Variants in USH2A observed in about 807,000 individuals in gnomAD.
USH2A encodes usherin, also known as Usher syndrome 2A (autosomal recessive, mild).
A neutral mutation model predicts 538.9 loss-of-function variants in USH2A; 443 were observed. The ratio of observed to expected loss-of-function variants is 0.82; its 90% CI spans 0.76 to 0.89. USH2A has a LOEUF of 0.89. Among genes scored for constraint, USH2A ranks in the 40% least tolerant of loss-of-function variants. The pLI is 0.00. For synonymous variants in USH2A, 2,413 were observed against 2,273.5 expected (o/e 1.06, Z -1.75); for missense variants, 6,633 against 6,324.8 (o/e 1.05, Z -1.65).
chr1:216,335,496 T>G (rs894146986), intron 4 of USH2A, among the ~76,000 whole-genome samples: 30 of 151,598 alleles, frequency 2.0e-4, no homozygotes, highest in Non-Finnish European at 4.0e-4. Context: ...AAAAGTTGAT[T>G]GTTAGAAATT....
At position 215,926,144 on chromosome 1, in the gene USH2A, T is replaced by C. The variant is rs371502733; in HGVS notation, c.7300+8472A>G. ...TGCAATTCTTATTTATTTACTCTTT[T>C]GCTCTTTCGTATATTCTTGCTTTTT... On this transcript the variant is annotated intron_variant, in intron 38 of 71. Coordinates refer to ENST00000307340, the MANE Select transcript of USH2A (RefSeq NM_206933.4). Among the ~76,000 whole-genome samples, 5 of 151,824 alleles carry C rather than the reference T, an allele frequency of 3.3e-5. No individual in the cohort carries two copies. In the East Asian group the frequency reaches 5.8e-4, roughly 18 times the overall value.
At position 216,349,691 on chromosome 1, in the gene USH2A, C is replaced by T. The variant is rs548062636; in HGVS notation, c.784+15262G>A. Among the ~76,000 whole-genome samples, 13 of 152,238 alleles carry T rather than the reference C, an allele frequency of 8.5e-5. No individual in the cohort carries two copies. The South Asian group carries it at 2.3e-3, about 27-fold the overall frequency. On this transcript the variant is annotated intron_variant, in intron 4 of 71. Coordinates refer to ENST00000307340, the MANE Select transcript of USH2A (RefSeq NM_206933.4). ...TCCTCAATTCTGGGAATTGCCCACC[C>T]CTTTCAGGGAAAACTAACAAACAAC...
chr1:215,990,592 G>A (rs1364960461), intron 35 of USH2A, among the ~76,000 whole-genome samples: 1 of 152,028 alleles, frequency 6.6e-6, no homozygotes, highest in African/African-American at 2.4e-5. Context: ...CATTATGAAG[G>A]CATAGAAACA....
chr1:215,747,078 C>A (rs1660492042), intron 58 of USH2A, among the ~76,000 whole-genome samples: 1 of 152,140 alleles, frequency 6.6e-6, no homozygotes, highest in Admixed American at 6.5e-5. Flanking sequence ...AACTGTAGGA[C>A]ACAAGAAAAT....
intron 29 of USH2A, among the ~76,000 whole-genome samples, 176 bp from the exon 30 acceptor site, chr1:216,070,468 C>G (rs2031522349): frequency 6.6e-6 from 1 of 152,090 alleles, no homozygotes; most frequent in South Asian, 2.1e-4. Context: ...TTGAGCCATT[C>G]AGTTTAAGCG....
intron 21 of USH2A, among the ~76,000 whole-genome samples, chr1:216,152,537 T>A (rs1040067429): frequency 1.7e-4 from 25 of 151,320 alleles, no homozygotes; most frequent in African/African-American, 6.1e-4. Context: ...GTAATTTTCC[T>A]TTACCTACCC....
At chr1:215,844,228 G>A in intron 46 of USH2A, 66 bp downstream of exon 46, 1 of 1,499,676 alleles carries the variant, frequency 6.7e-7, no homozygotes, top group African/African-American at 1.4e-5. Context: ...TCCACTTGAA[G>A]ACATAGCCTG....
chr1:215,751,378 C>G (rs1308225402), intron 58 of USH2A, among the ~76,000 whole-genome samples: 1 of 152,112 alleles, frequency 6.6e-6, no homozygotes, highest in East Asian at 1.9e-4. Flanking sequence ...GTACGTTAAA[C>G]CTAAATGACT....
chr1:216,106,532 AT>A (rs2032738177), intron 21 of USH2A, among the ~76,000 whole-genome samples: 1 of 151,252 alleles, frequency 6.6e-6, no homozygotes, highest in Admixed American at 6.6e-5. Context: ...AATCCAAAAT[AT>A]TTTTTTCTCT....
chr1:215,941,559 C>G (rs180733189), intron 37 of USH2A, among the ~76,000 whole-genome samples: 2 of 152,066 alleles, frequency 1.3e-5, no homozygotes, highest in Non-Finnish European at 2.9e-5. Flanking sequence ...AAGTGGTCTC[C>G]GGCTTCCACA....
intron 20 of USH2A, among the ~76,000 whole-genome samples, chr1:216,186,974 T>C (rs1364221956): frequency 6.6e-6 from 1 of 151,922 alleles, no homozygotes; most frequent in African/African-American, 2.4e-5. Context: ...CTCCCTCTTC[T>C]AATCTATTGT....
chr1:215,809,631 C>G (rs2102789289), intron 49 of USH2A, among the ~76,000 whole-genome samples: 2 of 152,144 alleles, frequency 1.3e-5, no homozygotes, highest in South Asian at 4.1e-4. Flanking sequence ...ACCATGCAGT[C>G]TAACAGTTAA....
intron 38 of USH2A, among the ~76,000 whole-genome samples, chr1:215,926,634 T>TTTTTTTTTTTA (rs1666244487): frequency 6.8e-6 from 1 of 148,048 alleles, no homozygotes; most frequent in Non-Finnish European, 1.5e-5. Flanking sequence ...TTTTTTTTTT[T>TTTTTTTTTTTA]GAGACAGAGT....
chr1:216,392,658 T>C (rs1435934987), intron 3 of USH2A, among the ~76,000 whole-genome samples: 1 of 151,986 alleles, frequency 6.6e-6, no homozygotes, highest in African/African-American at 2.4e-5. Flanking sequence ...TACAATGCTG[T>C]TTTTTTAAAA....
intron 39 of USH2A, 135 bp downstream of exon 39, chr1:215,900,619 CT>C (rs879258991): frequency 8.6e-7 from 1 of 1,159,368 alleles, no homozygotes; most frequent in Non-Finnish European, 1.2e-6. Flanking sequence ...TGATTATCCT[CT>C]AATTGTTTGG....
chr1:215,859,233 A>T (rs946333125), intron 44 of USH2A, among the ~76,000 whole-genome samples: 20 of 152,084 alleles, frequency 1.3e-4, no homozygotes, highest in South Asian at 2.1e-4. Context: ...ACCAAACAAG[A>T]ATTGAAAATA....
At chr1:216,047,899 T>C (rs2030591794) in intron 31 of USH2A, among the ~76,000 whole-genome samples, 2 of 152,224 alleles carry the variant, frequency 1.3e-5, no homozygotes, top group Admixed American at 6.5e-5. Context: ...AGCAAAGCTT[T>C]CACTTTGGCG....
At chr1:216,217,666 A>G (rs2035369458) in intron 14 of USH2A, 116 bp from the exon 15 acceptor site, 3 of 1,160,546 alleles carry the variant, frequency 2.6e-6, no homozygotes, top group East Asian at 2.6e-5. Flanking sequence ...TAGCCAATAT[A>G]TTGAAAAGAA....
At chr1:216,229,660 C>T (rs2035637800) in intron 14 of USH2A, among the ~76,000 whole-genome samples, 1 of 152,108 alleles carries the variant, frequency 6.6e-6, no homozygotes, top group Non-Finnish European at 1.5e-5. Flanking sequence ...AAAAATGTAG[C>T]TTATACCCAC....
Sources: gnomAD v4.1 joint callset for allele counts (sites outside exome capture counted in the v4.1 genomes callset) on GRCh38, gnomAD v4.1.1 for gene constraint, MANE v1.5 for transcripts, NCBI Gene and HGNC (gene_info 2026-07-23, HGNC 2026-07-21) for gene names.